MSL3: variants seen among roughly 807,000 people sequenced by gnomAD.
MSL3 encodes the protein MSL complex subunit 3, also known as MSL3-like 1.
Under a neutral mutation model 37.2 loss-of-function variants are expected in MSL3, and 5 were observed. That is an observed-to-expected ratio of 0.13 (90% CI 0.07 to 0.28). MSL3 has a LOEUF of 0.28. MSL3 is among the 10% of genes least tolerant of loss of function. The pLI is 1.00. For missense variants in MSL3, 315 were observed against 408.5 expected (o/e 0.77, Z 1.97); for synonymous variants, 149 against 147.6 (o/e 1.01, Z -0.07).
rs1601766495 is a variant in MSL3, at chrX:11,761,373, A to G, written c.383-127A>G. The G allele has an allele frequency of 7.2e-6, 3 of 415,793 alleles. No homozygotes were observed. The East Asian group carries it at 1.2e-4, about 16-fold the overall frequency. 34.3% of individuals were successfully genotyped at this position (415,793 alleles called of 1,213,427 possible). On this transcript the variant is annotated intron_variant, in intron 4 of 12. Coordinates refer to ENST00000312196, the MANE Select transcript of MSL3 (RefSeq NM_078629.4). Reference sequence around the variant, plus strand: ...GAAAGATACAGTATTTGTGTTTGGCATTTAAAAATACATGGAATTGCAGTT... The same window carrying G: ...GAAAGATACAGTATTTGTGTTTGGCGTTTAAAAATACATGGAATTGCAGTT...
chrX:11,773,514 G>A (rs1337815387), intron 12 of MSL3, among the ~76,000 whole-genome samples: 2 of 112,108 alleles, frequency 1.8e-5, no homozygotes, highest in African/African-American at 6.5e-5. Context: ...ATCCTTTCAT[G>A]TAGGCATTTT....
chrX:11,771,502 A>G (rs1430658264), intron 10 of MSL3, among the ~76,000 whole-genome samples: 1 of 112,956 alleles, frequency 8.9e-6, no homozygotes, highest in African/African-American at 3.2e-5. Flanking sequence ...TTGAAACAAC[A>G]GTAATATTAT....
At chrX:11,758,590 G>A (rs546235562) in intron 1 of MSL3, 27 of 1,119,055 alleles carry the variant, frequency 2.4e-5, no homozygotes, top group South Asian at 4.4e-5. Context: ...GCGCACGCGC[G>A]GTTGGGAGCC....
At chrX:11,764,471 GA>G (rs1271575479) in intron 8 of MSL3, among the ~76,000 whole-genome samples, 1 of 110,733 alleles carries the variant, frequency 9.0e-6, no homozygotes, top group East Asian at 2.8e-4. Context: ...CTCAGTTACC[GA>G]GCATGCTCTG....
chrX:11,775,403 T>C lies in MSL3; in HGVS notation c.*324T>C, dbSNP rs763402839. On this transcript the variant is annotated 3_prime_UTR_variant, in exon 13 of 13. Coordinates refer to ENST00000312196, the MANE Select transcript of MSL3 (RefSeq NM_078629.4). ...TTGCAGTTAGTTAGCAAGAACCACA[T>C]TGTCTCTTTATTTGTTAGCATTAAA... 5.5e-6 allele frequency: 1 copy of C among 182,062 alleles called. No individual in the cohort carries two copies. The highest frequency in any genetic ancestry group is 2.4e-4 in the South Asian group (1 of 4,108). The allele number at this position is 182,062 out of a possible 1,213,427, so 15.0% of individuals were successfully genotyped here.
Position 11,762,821 on chromosome X carries a change from A to G in MSL3, c.589-16A>G. On this transcript the variant is annotated splice_polypyrimidine_tract_variant and intron_variant, in intron 6 of 12. Transcript: ENST00000312196. ...ATTAGGATGCATACATCAGATGTCTATGTTTTTGTTAACAGTTAGTGAAAC... is the reference window on the plus strand; with the variant it reads ...ATTAGGATGCATACATCAGATGTCTGTGTTTTTGTTAACAGTTAGTGAAAC... The G allele has an allele frequency of 4.2e-6, 5 of 1,197,948 alleles. No homozygotes were observed. The highest frequency in any genetic ancestry group is 5.6e-6 in the Non-Finnish European group (5 of 886,610).
intron 10 of MSL3, among the ~76,000 whole-genome samples, chrX:11,770,746 G>A (rs965047077): frequency 8.9e-6 from 1 of 112,310 alleles, no homozygotes; most frequent in Non-Finnish European, 1.9e-5. Context: ...CCCGGAAAAT[G>A]TGTCTTCATA....
chrX:11,775,000 A>G lies in MSL3; in HGVS notation c.1487A>G (p.Asp496Gly), dbSNP rs1300710386. The change falls in exon 13 of 13, where the codon GAT (aspartate) becomes GGT (glycine). Residue 496 changes from aspartate to glycine, a missense_variant. Coordinates refer to ENST00000312196, the MANE Select transcript of MSL3 (RefSeq NM_078629.4). ...LFLRFLAEYHDDFFPESAYVA... is the reference protein window; with the variant it reads ...LFLRFLAEYHGDFFPESAYVA... The stretch of plus-strand genomic sequence containing the variant: ...TCCAGGTTTTTAGCAGAATACCACG[A>G]TGACTTCTTCCCAGAGTCGGCTTAT... The G allele has an allele frequency of 8.3e-7, 1 of 1,209,207 alleles. No homozygotes were observed. Among genetic ancestry groups the G allele is most frequent in the Non-Finnish European group, 1.1e-6 (1 of 893,849 alleles).
At chrX:11,772,077 A>G (rs2053236973) in intron 10 of MSL3, 79 bp from the exon 11 acceptor site, 2 of 692,798 alleles carry the variant, frequency 2.9e-6, no homozygotes, top group Non-Finnish European at 4.5e-6. Context: ...TCTACGTACA[A>G]TTTACTGTCA....
chrX:11,762,735 T>C, intron 6 of MSL3, 102 bp from the exon 7 acceptor site: 1 of 835,724 alleles, frequency 1.2e-6, no homozygotes, highest in Non-Finnish European at 1.7e-6. Flanking sequence ...CTTTGGTTTA[T>C]TTTTGAGTTA....
intron 5 of MSL3, 53 bp from the exon 6 acceptor site, chrX:11,762,077 T>C (rs1218746810): frequency 2.0e-6 from 2 of 991,340 alleles, no homozygotes; most frequent in East Asian, 6.8e-5. Context: ...CTTCCTTGGA[T>C]ATTGACTCTT....
intron 2 of MSL3, 68 bp downstream of exon 2, chrX:11,759,943 A>C (rs796159739): frequency 1.5e-5 from 17 of 1,115,658 alleles, no homozygotes; most frequent in Non-Finnish European, 2.1e-5. Flanking sequence ...TGCAGACTTA[A>C]GTTTCAGAAA....
At chrX:11,769,449 G>A (rs987986444) in intron 10 of MSL3, among the ~76,000 whole-genome samples, 1 of 112,439 alleles carries the variant, frequency 8.9e-6, no homozygotes, top group African/African-American at 3.2e-5. Context: ...GGCCCATTAG[G>A]TGATCTGTAG....
chrX:11,765,495 C>G lies in MSL3; in HGVS notation c.937C>G (p.Pro313Ala). 1 of 1,200,790 alleles carries G rather than the reference C, an allele frequency of 8.3e-7. No homozygotes were observed. Among genetic ancestry groups the G allele is most frequent in the Non-Finnish European group, 1.1e-6 (1 of 888,932 alleles). Residue 313 changes from proline (P) to alanine (A), a missense_variant, in exon 9 of 13, where the codon CCT becomes GCT. Physicochemically the swap from Pro to Ala is conservative, Grantham distance 27. Transcript: ENST00000312196. ...CCAGGAGGAACTCTCTCCCAGTCCG[C>G]CTTTGTTGAATCCATCCACGCCACA... ...RSQEELSPSPPLLNPSTPQST... is the reference protein window; with the variant it reads ...RSQEELSPSPALLNPSTPQST...
chrX:11,769,396 A>G (rs2053212820), intron 10 of MSL3, among the ~76,000 whole-genome samples: 1 of 112,228 alleles, frequency 8.9e-6, no homozygotes, highest in South Asian at 3.6e-4. Flanking sequence ...CCAGATTTCC[A>G]CTTGATAGAT....
At chrX:11,767,022 A>G (rs753524372) in intron 9 of MSL3, 4 of 754,414 alleles carry the variant, frequency 5.3e-6, no homozygotes, top group Non-Finnish European at 6.3e-6. Flanking sequence ...TGGAACTCCC[A>G]AAAGTCATCC....
chrX:11,763,455 G>T (rs1211541420), intron 7 of MSL3, among the ~76,000 whole-genome samples: 1 of 112,773 alleles, frequency 8.9e-6, no homozygotes, highest in African/African-American at 3.2e-5. Context: ...ATTCACTAGG[G>T]TCAACCCGTT....
At chrX:11,774,541 G>C (rs1268510938) in intron 12 of MSL3, among the ~76,000 whole-genome samples, 1 of 111,694 alleles carries the variant, frequency 9.0e-6, no homozygotes, top group African/African-American at 3.3e-5. Flanking sequence ...GGATGTTCTC[G>C]ATCTCCTGAC....
At chrX:11,770,486 T>C (rs751653932) in intron 10 of MSL3, among the ~76,000 whole-genome samples, 33 of 111,941 alleles carry the variant, frequency 2.9e-4, no homozygotes, top group African/African-American at 8.8e-4. Context: ...ACTTATAGTT[T>C]GAAAGTGCTT....
Sources: gnomAD v4.1 joint callset for allele counts (sites outside exome capture counted in the v4.1 genomes callset) on GRCh38, gnomAD v4.1.1 for gene constraint, MANE v1.5 for transcripts, NCBI Gene and HGNC (gene_info 2026-07-23, HGNC 2026-07-21) for gene names.